The following TBC1D4 variants were observed in gnomAD, a reference collection of about 807,000 sequenced individuals.
The protein encoded by TBC1D4 is TBC1 domain family member 4.
In TBC1D4, 121 loss-of-function variants were observed where a neutral mutation model predicts 142.5. The observed-to-expected ratio is 0.85, with a 90% CI of 0.73 to 0.99. TBC1D4 has a LOEUF of 0.99. TBC1D4 is among the 50% of genes least tolerant of loss of function. The pLI, the probability that TBC1D4 is intolerant of heterozygous loss-of-function variation, is 0.00. For synonymous variants in TBC1D4, 630 were observed against 628.2 expected, an observed-to-expected ratio of 1.00 and a Z score of -0.04; for missense variants, 1,475 against 1,606.6, an observed-to-expected ratio of 0.92 and a Z score of 1.40.
intron 1 of TBC1D4, among the ~76,000 whole-genome samples, chr13:75,386,392 C>CT (rs765348786): frequency 4.5e-5 from 5 of 111,584 alleles, no homozygotes; most frequent in Admixed American, 1.7e-4. Flanking sequence ...TTTTCTTTTT[C>CT]TTTTTTTTTT....
chr13:75,399,668 A>C (rs1228433850), intron 1 of TBC1D4, among the ~76,000 whole-genome samples: 1 of 152,214 alleles, frequency 6.6e-6, no homozygotes, highest in Admixed American at 6.5e-5. Context: ...AATGTAAATA[A>C]TTTGTGGCCA....
intron 7 of TBC1D4, among the ~76,000 whole-genome samples, chr13:75,337,820 G>A (rs1880352557): frequency 6.6e-6 from 1 of 152,160 alleles, no homozygotes. Flanking sequence ...CCAGAACTGG[G>A]GATGCTTGTT....
intron 1 of TBC1D4, among the ~76,000 whole-genome samples, chr13:75,450,268 G>A (rs1010057816): frequency 6.6e-5 from 10 of 152,058 alleles, no homozygotes; most frequent in African/African-American, 2.2e-4. Flanking sequence ...ATTATGATGC[G>A]GTGTCAGAAT....
intron 1 of TBC1D4, among the ~76,000 whole-genome samples, chr13:75,413,875 A>G (rs1303445194): frequency 6.6e-6 from 1 of 152,162 alleles, no homozygotes; most frequent in African/African-American, 2.4e-5. Context: ...TCAAATAACT[A>G]AAACCAAACA....
chr13:75,444,671 A>G (rs9543928), intron 1 of TBC1D4, among the ~76,000 whole-genome samples: 18,896 of 152,202 alleles, frequency 0.12, 1,481 homozygotes, highest in East Asian at 0.3. Flanking sequence ...TAACACTTAC[A>G]AAACAACTCA....
chr13:75,348,962 T>A lies in TBC1D4; in HGVS notation c.1408+208A>T, dbSNP rs974934672. ...AGTAGAGAGAGAGAGAGAGTGTGTGTGTGTGTGTGTGTGTGTGTGTGTGTG... is the reference window on the plus strand; with the variant it reads ...AGTAGAGAGAGAGAGAGAGTGTGTGAGTGTGTGTGTGTGTGTGTGTGTGTG... On this transcript the variant is annotated intron_variant, in intron 5 of 20. Coordinates refer to ENST00000377636, the MANE Select transcript of TBC1D4 (RefSeq NM_014832.5). Among the ~76,000 whole-genome samples the A allele has an allele frequency of 5.8e-3, 838 of 145,222 alleles. 7 individuals are homozygous for A. The highest frequency in any genetic ancestry group is 0.019 in the African/African-American group (747 of 38,746).
rs35473850 is a variant in TBC1D4 at position 75,384,580 on chromosome 13, T to TAA, written c.499-21975_499-21974dup. On this transcript the variant is annotated intron_variant, in intron 1 of 20. Coordinates refer to ENST00000377636, the MANE Select transcript of TBC1D4 (RefSeq NM_014832.5). The stretch of plus-strand genomic sequence containing the variant: ...ATAAAGGAAAAAAAAAAAGTTTCTT[T>TAA]AAAAAAAAAAAAAAGGTTGCCACCG... 3.3e-3 allele frequency among the ~76,000 whole-genome samples: 468 copies of TAA among 139,804 alleles called. 2 individuals are homozygous for TAA. The highest frequency in any genetic ancestry group is 5.8e-3 in the Non-Finnish European group (378 of 64,778). The allele number at this position is 139,804 out of a possible 152,430, so 91.7% of individuals were successfully genotyped here.
intron 12 of TBC1D4, 60 bp from the exon 13 acceptor site, chr13:75,312,958 A>G (rs896422638): frequency 1.0e-5 from 16 of 1,588,464 alleles, no homozygotes; most frequent in Non-Finnish European, 1.4e-5. Flanking sequence ...GGCACTTCAC[A>G]ACCAACTGGT....
intron 20 of TBC1D4, among the ~76,000 whole-genome samples, chr13:75,287,639 T>TA (rs11377013): frequency 0.26 from 38,958 of 152,046 alleles, 5,414 homozygotes; most frequent in African/African-American, 0.35. Context: ...TTTTTGAAAA[T>TA]AGAGTATGTT....
In TBC1D4 at chr13:75,288,939, A is replaced by G. The variant is rs1874970246; in HGVS notation, c.3658T>C (p.Leu1220=). 3 of 1,613,234 alleles carry G rather than the reference A, an allele frequency of 1.9e-6. No homozygotes were observed. Among genetic ancestry groups the G allele is most frequent in the African/African-American group, 1.3e-5 (1 of 74,806 alleles). The change falls in exon 20 of 21, where the codon TTA becomes CTA. Residue 1220 remains leucine, a synonymous_variant. Coordinates refer to ENST00000377636, the MANE Select transcript of TBC1D4 (RefSeq NM_014832.5). ...KRQNMDLLEK[L]QVAHTKIQAL... ...TCAAATCTTTATTTCTTTACCTGTA[A>G]TTTTTCTAGGAGGTCCATGTTTTGT...
At chr13:75,428,772 C>T (rs1035559168) in intron 1 of TBC1D4, among the ~76,000 whole-genome samples, 4 of 152,108 alleles carry the variant, frequency 2.6e-5, no homozygotes, top group Non-Finnish European at 2.9e-5. Flanking sequence ...AGAGGCTTGC[C>T]GCAAACATAA....
At chr13:75,395,022 G>A (rs923094240) in intron 1 of TBC1D4, among the ~76,000 whole-genome samples, 1 of 152,216 alleles carries the variant, frequency 6.6e-6, no homozygotes, top group African/African-American at 2.4e-5. Context: ...TACAATAGGA[G>A]TATAGGCACT....
intron 1 of TBC1D4, among the ~76,000 whole-genome samples, chr13:75,475,244 A>G (rs1285326546): frequency 6.6e-6 from 1 of 152,244 alleles, no homozygotes; most frequent in Admixed American, 6.5e-5. Flanking sequence ...ATTTGTATAC[A>G]TATTTTATGC....
intron 5 of TBC1D4, among the ~76,000 whole-genome samples, chr13:75,342,988 T>C (rs1185798391): frequency 6.6e-6 from 1 of 152,176 alleles, no homozygotes; most frequent in Admixed American, 6.5e-5. Context: ...ATGTATTCTT[T>C]GTATTTATTT....
chr13:75,395,981 G>A (rs1457808628), intron 1 of TBC1D4, among the ~76,000 whole-genome samples: 2 of 152,166 alleles, frequency 1.3e-5, no homozygotes, highest in East Asian at 1.9e-4. Flanking sequence ...GGTTGGTTCT[G>A]CAACCCATTG....
rs1458026437 is a variant in TBC1D4 at position 75,362,897 on chromosome 13, A to G, written c.499-290T>C. ...CTATATAAGCCACTGCCAACCTATT[A>G]TGTCATAATATGTCTTTTGATTGTG... is the stretch of plus-strand genomic sequence containing the variant. On this transcript the variant is annotated intron_variant, in intron 1 of 20. Transcript: ENST00000377636. This position sits in a 1 kb window ranked among gnomAD's most constrained non-coding sequence, Gnocchi z 4.2. Among the ~76,000 whole-genome samples the G allele has an allele frequency of 6.6e-6, 1 of 152,200 alleles. No homozygotes were observed. The highest frequency in any genetic ancestry group is 1.5e-5 in the Non-Finnish European group (1 of 68,030).
intron 2 of TBC1D4, among the ~76,000 whole-genome samples, chr13:75,361,729 T>C (rs1293232518): frequency 2.0e-5 from 3 of 152,122 alleles, no homozygotes; most frequent in African/African-American, 7.2e-5. Flanking sequence ...AGGCAAATGC[T>C]GGTTATAGAT....
intron 5 of TBC1D4, among the ~76,000 whole-genome samples, chr13:75,342,159 T>G (rs111674504): frequency 0.016 from 2,482 of 152,266 alleles, 35 homozygotes; most frequent in South Asian, 0.058. Flanking sequence ...ATCGAGCCAC[T>G]GCACTCCAGC....
At chr13:75,393,731 C>T (rs1290384458) in intron 1 of TBC1D4, among the ~76,000 whole-genome samples, 4 of 151,994 alleles carry the variant, frequency 2.6e-5, no homozygotes, top group African/African-American at 4.8e-5. Flanking sequence ...TGGGAGTTCG[C>T]GACCAGCCTG....
Sources: gnomAD v4.1 joint callset for allele counts (sites outside exome capture counted in the v4.1 genomes callset) on GRCh38, gnomAD v4.1.1 for gene constraint, Gnocchi (gnomAD v3.1) non-coding constraint, MANE v1.5 for transcripts, NCBI Gene and HGNC (gene_info 2026-07-23, HGNC 2026-07-21) for gene names.